The following RBM12B variants were observed in gnomAD, a reference collection of about 807,000 sequenced individuals.
RBM12B encodes RNA binding motif protein 12B.
RBM12B carries 10 observed loss-of-function variants against 34.3 expected under a neutral mutation model. The observed-to-expected ratio is 0.29, with a 90% CI of 0.18 to 0.49. The LOEUF (loss-of-function observed/expected upper bound fraction) is 0.49. Among genes scored for constraint, RBM12B ranks in the 20% least tolerant of loss-of-function variants. The pLI, the probability that RBM12B is intolerant of heterozygous loss-of-function variation, is 0.99. For synonymous variants in RBM12B, 477 were observed against 437.1 expected (o/e 1.09, Z -1.14); for missense variants, 1,139 against 1,262.7 (o/e 0.90, Z 1.48).
rs1026175440 is a variant in RBM12B at position 93,730,419 on chromosome 8, A to T, written c.*2986T>A. ...TTTTTTAGATAATTTCTAGACAAAA[A>T]TGTTTGGCTTTAAGACAAATGCCAC... On this transcript the variant is annotated 3_prime_UTR_variant, in exon 4 of 4. Transcript: ENST00000520560. 1 of 152,198 alleles carries T rather than the reference A, an allele frequency of 6.6e-6. No homozygotes were observed. Among genetic ancestry groups the T allele is most frequent in the African/African-American group, 2.4e-5 (1 of 41,446 alleles). 9.4% of individuals were successfully genotyped at this position (152,198 alleles called of 1,614,324 possible).
chr8:93,736,927 G>A (rs1812038626), intron 3 of RBM12B, among the ~76,000 whole-genome samples: 1 of 152,206 alleles, frequency 6.6e-6, no homozygotes, highest in South Asian at 2.1e-4. Context: ...AAAAGCCAGG[G>A]CCAGCATGAT....
chr8:93,736,022 G>C lies in RBM12B; in HGVS notation c.389C>G (p.Ala130Gly). 1 of 1,614,120 alleles carries C rather than the reference G, an allele frequency of 6.2e-7. No homozygotes were observed. The highest frequency in any genetic ancestry group is 8.5e-7 in the Non-Finnish European group (1 of 1,180,010). Residue 130 changes from alanine to glycine, a missense_variant, in exon 4 of 4, where the codon GCT becomes GGT. Transcript: ENST00000520560. The stretch of plus-strand genomic sequence containing the variant: ...TCCTGTACCATTAGTATGAAACCCA[G>C]CATCTTGATTAATTGAAGAGCCATA... ...SGYGSSINQDAGFHTNGTGHG... is the reference protein window; with the variant it reads ...SGYGSSINQDGGFHTNGTGHG...
Position 93,731,216 on chromosome 8 carries a change from C to A in RBM12B, c.*2189G>T, listed in dbSNP as rs1388786720. On this transcript the variant is annotated 3_prime_UTR_variant, in exon 4 of 4. Coordinates refer to ENST00000520560, the MANE Select transcript of RBM12B (RefSeq NM_001377960.1). ...ACTCTAGCTGGCCTCTTATCTACCA[C>A]CACCATCCCACCTCAGCCCAGTTTG... 6.6e-6 allele frequency: 1 copy of A among 152,214 alleles called. No individual in the cohort carries two copies. The highest frequency in any genetic ancestry group is 1.5e-5 in the Non-Finnish European group (1 of 68,032). The allele number at this position is 152,214 out of a possible 1,614,324, so 9.4% of individuals were successfully genotyped here. A position where few individuals can be genotyped will look rare whatever the true frequency, so the allele number is the denominator to read the frequency against.
chr8:93,735,755 C>T lies in RBM12B; in HGVS notation c.656G>A (p.Gly219Asp). ...TTGCATTACTTCTATAAATCTTGAA[C>T]CCATAAAACTTCTATGACATTTAAG... is the stretch of plus-strand genomic sequence containing the variant. ...GGLKCHRSFM[G>D]SRFIEVMQGS... Residue 219 changes from glycine to aspartate, a missense_variant, in exon 4 of 4, where the codon GGT becomes GAT. Transcript: ENST00000520560. 6.2e-7 allele frequency: 1 copy of T among 1,614,036 alleles called. No individual in the cohort carries two copies. Among genetic ancestry groups the T allele is most frequent in the Non-Finnish European group, 8.5e-7 (1 of 1,180,028 alleles).
chr8:93,733,845 C>T lies in RBM12B; in HGVS notation c.2566G>A (p.Glu856Lys). 1 of 1,614,158 alleles carries T rather than the reference C, an allele frequency of 6.2e-7. No individual in the cohort carries two copies. ...TTGTCAGGAAGTCTAGGGTCCTCCT[C>T]CGGAGCTTCCCTAAGGTCTTCCTCT... Reference protein sequence around the residue: ...LPEEDLREAPEEDPRLPDNFR... With the variant: ...LPEEDLREAPKEDPRLPDNFR... The change falls in exon 4 of 4, where the codon GAG (glutamate) becomes AAG (lysine). Residue 856 changes from glutamate to lysine, a missense_variant. Physicochemically the swap from Glu to Lys is moderately conservative, Grantham distance 56. This residue lies in a region of RBM12B where 863 missense variants were observed against 869.5 expected (regional missense o/e 0.99). Transcript: ENST00000520560.
rs1811986555 is a variant in RBM12B, at chr8:93,735,447, T to G, written c.964A>C (p.Asn322His). The change falls in exon 4 of 4, where the codon AAT becomes CAT. Residue 322 changes from asparagine (N) to histidine (H), a missense_variant. This residue lies in a region of RBM12B where 863 missense variants were observed against 869.5 expected (regional missense o/e 0.99). Coordinates refer to ENST00000520560, the MANE Select transcript of RBM12B (RefSeq NM_001377960.1). ...ATCACAAAGGCATATCTTGTTCTAT[T>G]TTCATCTTTATATAAAAACCTAATC... ...EQIRFLYKDE[N>H]RTRYAFVMFK... is the part of the protein sequence containing the mutation. 6.2e-7 allele frequency: 1 copy of G among 1,613,400 alleles called. No individual in the cohort carries two copies. The highest frequency in any genetic ancestry group is 1.3e-5 in the African/African-American group (1 of 74,926).
In RBM12B at chr8:93,734,909, G is replaced by A; in HGVS notation, c.1502C>T (p.Ser501Leu). The A allele has an allele frequency of 1.2e-6, 2 of 1,613,094 alleles. No homozygotes were observed. The highest frequency in any genetic ancestry group is 2.2e-5 in the South Asian group (2 of 91,040). Reference sequence around the variant, plus strand: ...ATGGGAATGGTCACCTCGCTCACGTGACTGTGAGCGAGCTTGCATTTTTTC... The same window carrying A: ...ATGGGAATGGTCACCTCGCTCACGTAACTGTGAGCGAGCTTGCATTTTTTC... ...SSEKMQARSQ[S>L]RERGDHSHLF... The change falls in exon 4 of 4, where the codon TCA becomes TTA. Residue 501 changes from serine to leucine, a missense_variant. By Grantham distance (145) the Ser-to-Leu change is moderately radical. This residue lies in a region of RBM12B where 863 missense variants were observed against 869.5 expected (regional missense o/e 0.99). Transcript: ENST00000520560.
chr8:93,735,635 A>G lies in RBM12B; in HGVS notation c.776T>C (p.Ile259Thr), dbSNP rs1811995707. 6.2e-7 allele frequency: 1 copy of G among 1,613,998 alleles called. No homozygotes were observed. The highest frequency in any genetic ancestry group is 1.3e-5 in the African/African-American group (1 of 74,904). Residue 259 changes from isoleucine to threonine, a missense_variant, in exon 4 of 4, where the codon ATT becomes ACT. By Grantham distance (89) the Ile-to-Thr change is moderately conservative. This residue lies in a region of RBM12B where 863 missense variants were observed against 869.5 expected (regional missense o/e 0.99). Coordinates refer to ENST00000520560, the MANE Select transcript of RBM12B (RefSeq NM_001377960.1). ...RSEEHSPPRG[I>T]NDRHFRKRSH... ...CCGTTTTCGAAAATGTCTATCATTA[A>G]TTCCTCTTGGTGGAGAATGTTCTTC...
Position 93,731,410 on chromosome 8 carries a change from A to C in RBM12B, c.*1995T>G, listed in dbSNP as rs1286708255. 6.6e-6 allele frequency: 1 copy of C among 152,130 alleles called. No homozygotes were observed. The highest frequency in any genetic ancestry group is 6.5e-5 in the Admixed American group (1 of 15,268). The allele number at this position is 152,130 out of a possible 1,614,324, so 9.4% of individuals were successfully genotyped here. A position where few individuals can be genotyped will look rare whatever the true frequency, so the allele number is the denominator to read the frequency against. On this transcript the variant is annotated 3_prime_UTR_variant, in exon 4 of 4. Coordinates refer to ENST00000520560, the MANE Select transcript of RBM12B (RefSeq NM_001377960.1). ...TAAAAATATCATTTCTACTTTCTTC[A>C]TTGTGCTTGGTTTGGATATTCCAAA...
At chr8:93,736,805 ATTATT>A (rs1268420806) in intron 3 of RBM12B, among the ~76,000 whole-genome samples, 1 of 152,246 alleles carries the variant, frequency 6.6e-6, no homozygotes, top group African/African-American at 2.4e-5. Context: ...AGCTTTGTAG[ATTATT>A]TTATCAACTG....
rs78827531 is a variant in RBM12B at position 93,734,284 on chromosome 8, A to T, written c.2127T>A (p.His709Gln). ...FRRPPEEDFR[H>Q]SPEEDFRQSP... ...ACTGCCTGAAGTCCTCCTCAGGGGA[A>T]TGCCTGAAATCCTCCTCTGGGGGCC... Residue 709 changes from histidine to glutamine, a missense_variant, in exon 4 of 4, where the codon CAT (histidine) becomes CAA (glutamine). Physicochemically the swap from His to Gln is conservative, Grantham distance 24. Transcript: ENST00000520560. 2.8e-4 allele frequency: 442 copies of T among 1,607,124 alleles called. No homozygotes were observed. The African/African-American group carries it at 5.2e-3, about 19-fold the overall frequency.
chr8:93,736,340 G>T lies in RBM12B; in HGVS notation c.71C>A (p.Thr24Lys), dbSNP rs1380584702. The T allele has an allele frequency of 6.2e-7, 1 of 1,613,244 alleles. No individual in the cohort carries two copies. Among genetic ancestry groups the T allele is most frequent in the African/African-American group, 1.3e-5 (1 of 74,918 alleles). Residue 24 changes from threonine (T) to lysine (K), a missense_variant, in exon 4 of 4, where the codon ACG becomes AAG. This residue lies in a region of RBM12B where 216 missense variants were observed against 292.2 expected (regional missense o/e 0.74). Coordinates refer to ENST00000520560, the MANE Select transcript of RBM12B (RefSeq NM_001377960.1). ...AGPVDIRHFF[T>K]GLTIPDGGVH... ...TCCTCCATCAGGAATAGTCAATCCC[G>T]TGAAGAAGTGACGAATATCCACAGG...
rs1373671868 is a variant in RBM12B at position 93,730,170 on chromosome 8, T to C, written c.*3235A>G. The C allele has an allele frequency of 1.3e-5, 2 of 152,194 alleles. No homozygotes were observed. The highest frequency in any genetic ancestry group is 4.8e-5 in the African/African-American group (2 of 41,448). The allele number at this position is 152,194 out of a possible 1,614,324, so 9.4% of individuals were successfully genotyped here. ...TTATCAGAATTAAATGATAGTTAAT[T>C]CATACATAATTATACATCATATAGT... is the stretch of plus-strand genomic sequence containing the variant. On this transcript the variant is annotated 3_prime_UTR_variant, in exon 4 of 4. Transcript: ENST00000520560.
rs763269150 is a variant in RBM12B at position 93,734,230 on chromosome 8, A to C, written c.2181T>G (p.Pro727=). 6.2e-6 allele frequency: 10 copies of C among 1,603,986 alleles called. No homozygotes were observed. The South Asian group carries it at 1.1e-4, about 18-fold the overall frequency. ...GGGGTGGCCGACGGAAATGCTCCTG[A>C]GGTGGCCTCCGGAAATGCTCCTGGG... ...QSPQEHFRRP[P]QEHFRRPPPE... The change falls in exon 4 of 4, where the codon CCT becomes CCG. Residue 727 remains proline, a synonymous_variant. Coordinates refer to ENST00000520560, the MANE Select transcript of RBM12B (RefSeq NM_001377960.1).
rs1229775379 is a variant in RBM12B at position 93,732,606 on chromosome 8, T to C, written c.*799A>G. The C allele has an allele frequency of 6.6e-6, 1 of 152,206 alleles. No individual in the cohort carries two copies. The highest frequency in any genetic ancestry group is 1.5e-5 in the Non-Finnish European group (1 of 68,034). The allele number at this position is 152,206 out of a possible 1,614,324, so 9.4% of individuals were successfully genotyped here. A position where few individuals can be genotyped will look rare whatever the true frequency, so the allele number is the denominator to read the frequency against. ...TTTGCGTATCTTGTATTAATTTTAC[T>C]TGGTTGATAAGATGTTGAAGAAACC... On this transcript the variant is annotated 3_prime_UTR_variant, in exon 4 of 4. Coordinates refer to ENST00000520560, the MANE Select transcript of RBM12B (RefSeq NM_001377960.1).
rs1811761515 is a variant in RBM12B at position 93,730,802 on chromosome 8, A to T, written c.*2603T>A. 6.6e-6 allele frequency: 1 copy of T among 152,200 alleles called. No homozygotes were observed. 9.4% of individuals were successfully genotyped at this position (152,200 alleles called of 1,614,324 possible). A position where few individuals can be genotyped will look rare whatever the true frequency, so the allele number is the denominator to read the frequency against. On this transcript the variant is annotated 3_prime_UTR_variant, in exon 4 of 4. Transcript: ENST00000520560. ...TAATCAACTTTTTATAATGAAGTTTAAAAATATTAAGCCCTGATACATTAT... is the reference window on the plus strand; with the variant it reads ...TAATCAACTTTTTATAATGAAGTTTTAAAATATTAAGCCCTGATACATTAT...
chr8:93,740,315 C>A, intron 2 of RBM12B: 1 of 457,228 alleles, frequency 2.2e-6, no homozygotes, highest in Admixed American at 2.3e-5. Context: ...GATTCTACAG[C>A]CCAAAGCCTT....
Position 93,733,633 on chromosome 8 carries a change from A to T in RBM12B, c.2778T>A (p.Pro926=). ...KINCGSGRVT[P]IKIMNLPFKA... ...TAAATGGAAGATTCATTATCTTAATAGGAGTTACTCTACCTGAACCACAAT... is the reference window on the plus strand; with the variant it reads ...TAAATGGAAGATTCATTATCTTAATTGGAGTTACTCTACCTGAACCACAAT... Residue 926 remains proline, a synonymous_variant, in exon 4 of 4, where the codon CCT becomes CCA. Coordinates refer to ENST00000520560, the MANE Select transcript of RBM12B (RefSeq NM_001377960.1). The T allele has an allele frequency of 6.2e-7, 1 of 1,614,108 alleles. No homozygotes were observed. Among genetic ancestry groups the T allele is most frequent in the Non-Finnish European group, 8.5e-7 (1 of 1,180,020 alleles).
At chr8:93,739,344 A>G (rs1488134848) in intron 2 of RBM12B, among the ~76,000 whole-genome samples, 2 of 152,252 alleles carry the variant, frequency 1.3e-5, no homozygotes, top group Non-Finnish European at 2.9e-5. Context: ...CTTAAAAACT[A>G]TCTTTTAACC....
Sources: allele counts gnomAD v4.1 joint callset (sites outside exome capture counted in the v4.1 genomes callset), GRCh38; gene constraint gnomAD v4.1.1; regional missense constraint gnomAD v4.1.1; transcripts MANE v1.5; gene names NCBI Gene and HGNC (gene_info 2026-07-23, HGNC 2026-07-21).